Variants in BEND6 observed in about 807,000 individuals in gnomAD.
The protein encoded by BEND6 is BEN domain containing 6, also known as BEN domain-containing protein 6.
Under a neutral mutation model 31.8 loss-of-function variants are expected in BEND6, and 24 were observed. That is an observed-to-expected ratio of 0.75 (90% confidence interval 0.55 to 1.06). The LOEUF is 1.06. Among genes scored for constraint, BEND6 ranks in the 50% least tolerant of loss-of-function variants. BEND6 has a pLI of 0.00. For synonymous variants in BEND6, 109 were observed against 114.6 expected (o/e 0.95, Z 0.31); for missense variants, 294 against 327.4 (o/e 0.90, Z 0.79).
At chr6:56,974,048 C>T (rs1001740106) in intron 1 of BEND6, among the ~76,000 whole-genome samples, 12 of 152,206 alleles carry the variant, frequency 7.9e-5, no homozygotes, top group Admixed American at 3.9e-4. Context: ...CCATTGCACC[C>T]GGCCTAAACT....
intron 3 of BEND6, among the ~76,000 whole-genome samples, chr6:57,005,256 A>C (rs1428744989): frequency 1.3e-5 from 2 of 152,194 alleles, no homozygotes; most frequent in Admixed American, 6.5e-5. Flanking sequence ...ATATTCCTGA[A>C]AGAAAAAAAT....
At chr6:56,992,280 A>G (rs1220098486) in intron 2 of BEND6, 98 bp from the exon 3 acceptor site, 1 of 1,341,140 alleles carries the variant, frequency 7.5e-7, no homozygotes, top group Non-Finnish European at 1.0e-6. Flanking sequence ...CTGTGAGAAC[A>G]AGAAATTTGT....
chr6:57,024,801 T>C (rs1827853020), intron 6 of BEND6, among the ~76,000 whole-genome samples: 1 of 152,242 alleles, frequency 6.6e-6, no homozygotes, highest in African/African-American at 2.4e-5. Flanking sequence ...CACTTTCCAC[T>C]CCTTGCTCTT....
At chr6:57,004,532 A>G (rs1004266851) in intron 3 of BEND6, 7 of 761,982 alleles carry the variant, frequency 9.2e-6, no homozygotes, top group Admixed American at 5.4e-5. Flanking sequence ...CGCCACCGCC[A>G]TGACTACCAC....
chr6:57,018,665 A>T (rs1453898993), intron 6 of BEND6, 108 bp downstream of exon 6: 1 of 1,134,112 alleles, frequency 8.8e-7, no homozygotes, highest in Non-Finnish European at 1.1e-6. Flanking sequence ...AATACTAGTG[A>T]CCCATGAAAA....
intron 4 of BEND6, among the ~76,000 whole-genome samples, chr6:57,016,079 G>A (rs1253571022): frequency 6.6e-6 from 1 of 152,122 alleles, no homozygotes; most frequent in Non-Finnish European, 1.5e-5. Flanking sequence ...GGATACCTAT[G>A]CATTCAGGGT....
At chr6:57,024,493 C>A (rs1288185493) in intron 6 of BEND6, among the ~76,000 whole-genome samples, 2 of 151,454 alleles carry the variant, frequency 1.3e-5, no homozygotes, top group East Asian at 3.8e-4. Context: ...TTTTGGATGA[C>A]AGTTTTTTTT....
At chr6:56,982,431 G>A (rs1007889280) in intron 2 of BEND6, among the ~76,000 whole-genome samples, 32 of 152,082 alleles carry the variant, frequency 2.1e-4, no homozygotes, top group Admixed American at 1.0e-3. Context: ...CCAGTTTGTG[G>A]CCCATCCTTA....
Position 57,026,579 on chromosome 6 carries a change from AC to A in BEND6, c.*508del, listed in dbSNP as rs1448099272. On this transcript the variant is annotated 3_prime_UTR_variant, in exon 7 of 7. Coordinates refer to ENST00000370746, the MANE Select transcript of BEND6 (RefSeq NM_152731.3). ...ATTAATGTTGGCAAATATGAGAACAACAAAGTCAGCCCAAAATCTGATAATC... is the reference window on the plus strand; with the variant it reads ...ATTAATGTTGGCAAATATGAGAACAAAAAGTCAGCCCAAAATCTGATAATC... 2 of 152,236 alleles carry A rather than the reference AC, an allele frequency of 1.3e-5. No homozygotes were observed. Among genetic ancestry groups the A allele is most frequent in the African/African-American group, 4.8e-5 (2 of 41,454 alleles). 9.4% of individuals were successfully genotyped at this position (152,236 alleles called of 1,614,324 possible).
intron 2 of BEND6, among the ~76,000 whole-genome samples, chr6:56,986,296 G>A (rs1826270149): frequency 6.6e-6 from 1 of 152,030 alleles, no homozygotes; most frequent in Admixed American, 6.6e-5. Flanking sequence ...GTGAGGGCCA[G>A]GTATGGTGAC....
intron 3 of BEND6, among the ~76,000 whole-genome samples, chr6:56,999,909 C>T (rs913269096): frequency 2.6e-5 from 4 of 151,474 alleles, no homozygotes; most frequent in East Asian, 1.9e-4. Flanking sequence ...TCTGCCCAGC[C>T]GCCCCGTCTA....
At chr6:56,964,027 CAATTAATATTAT>C (rs1418311356) in intron 1 of BEND6, among the ~76,000 whole-genome samples, 1 of 147,432 alleles carries the variant, frequency 6.8e-6, no homozygotes, top group Admixed American at 6.8e-5. Flanking sequence ...TATATTATTA[CAATTAATATTAT>C]AATTAATATT....
At chr6:57,004,812 G>T in intron 3 of BEND6, 2 of 808,192 alleles carry the variant, frequency 2.5e-6, no homozygotes, top group Non-Finnish European at 4.3e-6. Context: ...AATTAGGATT[G>T]CCTGAGCTCA....
chr6:56,966,259 G>A (rs753324637), intron 1 of BEND6, among the ~76,000 whole-genome samples: 17 of 152,096 alleles, frequency 1.1e-4, no homozygotes, highest in Non-Finnish European at 1.6e-4. Context: ...TTGCCACCAC[G>A]CCTGGCTAGT....
chr6:57,000,140 G>T (rs564259038), intron 3 of BEND6, among the ~76,000 whole-genome samples: 1 of 151,926 alleles, frequency 6.6e-6, no homozygotes, highest in Non-Finnish European at 1.5e-5. Context: ...CGGTTTTGTC[G>T]AAAAGAAAAG....
intron 1 of BEND6, among the ~76,000 whole-genome samples, chr6:56,961,028 T>C (rs1165360585): frequency 1.3e-5 from 2 of 152,220 alleles, no homozygotes; most frequent in Admixed American, 1.3e-4. Context: ...AGTAGGTTTC[T>C]AGAGACCTGA....
intron 1 of BEND6, among the ~76,000 whole-genome samples, chr6:56,965,929 T>A (rs1825463434): frequency 6.6e-6 from 1 of 152,082 alleles, no homozygotes; most frequent in African/African-American, 2.4e-5. Flanking sequence ...GCAAAAAGCA[T>A]AATAATCTCA....
chr6:57,016,330 A>AT (rs1827558830), intron 4 of BEND6, among the ~76,000 whole-genome samples: 2 of 152,318 alleles, frequency 1.3e-5, no homozygotes, highest in South Asian at 2.1e-4. Context: ...ACATTATCAC[A>AT]AATTTAGTGA....
chr6:56,974,697 G>C (rs913538564), intron 1 of BEND6, among the ~76,000 whole-genome samples: 1 of 152,158 alleles, frequency 6.6e-6, no homozygotes, highest in African/African-American at 2.4e-5. Flanking sequence ...ATATTGTCAT[G>C]CCATGGCATT....
Sources: gnomAD v4.1 joint callset for allele counts (sites outside exome capture counted in the v4.1 genomes callset) on GRCh38, gnomAD v4.1.1 for gene constraint, MANE v1.5 for transcripts, NCBI Gene and HGNC (gene_info 2026-07-23, HGNC 2026-07-21) for gene names.